ADAM2: variants seen among roughly 807,000 people sequenced by gnomAD.
ADAM2 encodes the protein ADAM metallopeptidase domain 2.
Under a neutral mutation model 99.3 loss-of-function variants are expected in ADAM2, and 101 were observed. The observed-to-expected ratio is 1.02, with a 90% CI of 0.87 to 1.20. The LOEUF is 1.20. Among genes scored for constraint, ADAM2 ranks in the 50% most tolerant of loss-of-function variants. The pLI is 0.00. For missense variants in ADAM2, 948 were observed against 878.7 expected, an observed-to-expected ratio of 1.08 and a Z score of -1.00; for synonymous variants, 323 against 287.6, an observed-to-expected ratio of 1.12 and a Z score of -1.25.
rs191558810 is a variant in ADAM2, at chr8:39,793,727, C to A, written c.571-4987G>T. ...CCAAAATCTATTGGTAAAGCCCTCA[C>A]TTGGGCTACAATTTGATTGAGAGAA... On this transcript the variant is annotated intron_variant, in intron 7 of 20. Coordinates refer to ENST00000265708, the MANE Select transcript of ADAM2 (RefSeq NM_001464.5). Among the ~76,000 whole-genome samples, 3 of 152,238 alleles carry A rather than the reference C, an allele frequency of 2.0e-5. No individual in the cohort carries two copies. The East Asian group carries it at 5.8e-4, about 29-fold the overall frequency.
intron 10 of ADAM2, among the ~76,000 whole-genome samples, chr8:39,785,796 T>TAAA (rs58429092): frequency 0.013 from 1,645 of 122,448 alleles, 28 homozygotes; most frequent in African/African-American, 0.046. Context: ...CTGTCTCAAA[T>TAAA]AAAAAAAAAA....
chr8:39,800,143 G>A (rs781528948), intron 7 of ADAM2, among the ~76,000 whole-genome samples: 34 of 152,264 alleles, frequency 2.2e-4, no homozygotes, highest in Admixed American at 7.8e-4. Context: ...GTTTTGGTGC[G>A]TTTTTGCAGT....
At chr8:39,805,739 C>A (rs1349734338) in intron 7 of ADAM2, among the ~76,000 whole-genome samples, 2 of 152,134 alleles carry the variant, frequency 1.3e-5, no homozygotes, top group Non-Finnish European at 2.9e-5. Context: ...TTGTAGCTGA[C>A]AGCAGGGAGA....
chr8:39,827,471 A>G (rs1805456236), intron 3 of ADAM2, among the ~76,000 whole-genome samples: 1 of 152,214 alleles, frequency 6.6e-6, no homozygotes, highest in African/African-American at 2.4e-5. Context: ...CAAGATACGG[A>G]ATCAAGCTTA....
At chr8:39,756,024 A>T (rs1802139568) in intron 15 of ADAM2, 113 bp from the exon 16 acceptor site, 4 of 560,526 alleles carry the variant, frequency 7.1e-6, no homozygotes, top group Admixed American at 8.0e-5. Context: ...AAGCTAATAC[A>T]TGCAATTCGT....
intron 11 of ADAM2, among the ~76,000 whole-genome samples, chr8:39,771,566 AG>A (rs1802780613): frequency 6.6e-6 from 1 of 152,308 alleles, no homozygotes; most frequent in African/African-American, 2.4e-5. Context: ...GAATGTGATG[AG>A]TTTTAAGGTA....
At chr8:39,830,645 T>C (rs948805769) in intron 3 of ADAM2, among the ~76,000 whole-genome samples, 2 of 152,288 alleles carry the variant, frequency 1.3e-5, no homozygotes, top group Middle Eastern at 6.8e-3. Context: ...GGTGGTTTAA[T>C]GTCCTCTGGT....
intron 7 of ADAM2, among the ~76,000 whole-genome samples, chr8:39,790,415 A>C (rs986747164): frequency 6.6e-6 from 1 of 151,980 alleles, no homozygotes; most frequent in African/African-American, 2.4e-5. Flanking sequence ...ATGAAAAAAT[A>C]GTCATAAATC....
chr8:39,763,169 G>A (rs1802438626), intron 14 of ADAM2, among the ~76,000 whole-genome samples: 1 of 151,954 alleles, frequency 6.6e-6, no homozygotes, highest in Admixed American at 6.6e-5. Context: ...CTGTTACCAG[G>A]TGGCTAGGGC....
intron 7 of ADAM2, among the ~76,000 whole-genome samples, chr8:39,792,004 C>T (rs1356363839): frequency 1.3e-5 from 2 of 151,852 alleles, no homozygotes; most frequent in Non-Finnish European, 2.9e-5. Context: ...TTGCCACTTG[C>T]CAGCTTCAAG....
chr8:39,824,905 A>G lies in ADAM2; in HGVS notation c.189-8T>C. 1 of 1,289,416 alleles carries G rather than the reference A, an allele frequency of 7.8e-7. No homozygotes were observed. Among genetic ancestry groups the G allele is most frequent in the Non-Finnish European group, 1.1e-6 (1 of 900,940 alleles). The allele number at this position is 1,289,416 out of a possible 1,614,324, so 79.9% of individuals were successfully genotyped here. On this transcript the variant is annotated splice_region_variant and splice_polypyrimidine_tract_variant and intron_variant, in intron 3 of 20. Transcript: ENST00000265708. ...TTATGGGGTAAAAAGTTTCTGTAACATAAAGATAAAATGGAAAAATTTGAT... is the reference window on the plus strand; with the variant it reads ...TTATGGGGTAAAAAGTTTCTGTAACGTAAAGATAAAATGGAAAAATTTGAT...
At position 39,749,644 on chromosome 8, in the gene ADAM2, C is replaced by T. The variant is rs112901444; in HGVS notation, c.1875+23G>A. 55 of 1,588,260 alleles carry T rather than the reference C, an allele frequency of 3.5e-5. No individual in the cohort carries two copies. The African/African-American group carries it at 4.2e-4, about 12-fold the overall frequency. Reference sequence around the variant, plus strand: ...AATTAGGCTCAATGATTTCTATTTTCACCTCATAGTACTGCTACTTACACC... The same window carrying T: ...AATTAGGCTCAATGATTTCTATTTTTACCTCATAGTACTGCTACTTACACC... On this transcript the variant is annotated intron_variant, in intron 17 of 20. Coordinates refer to ENST00000265708, the MANE Select transcript of ADAM2 (RefSeq NM_001464.5).
chr8:39,837,536 A>G (rs1301440520), intron 1 of ADAM2, among the ~76,000 whole-genome samples: 2 of 151,916 alleles, frequency 1.3e-5, no homozygotes, highest in African/African-American at 4.8e-5. Flanking sequence ...ACAGGCACGC[A>G]CTACCACCCC....
At chr8:39,770,398 A>T (rs1003361078) in intron 11 of ADAM2, among the ~76,000 whole-genome samples, 2 of 152,118 alleles carry the variant, frequency 1.3e-5, no homozygotes, top group Non-Finnish European at 2.9e-5. Context: ...TGCTTTATTC[A>T]GTGTTTCTTC....
chr8:39,772,702 AT>A (rs1802831447), intron 11 of ADAM2, among the ~76,000 whole-genome samples: 1 of 151,992 alleles, frequency 6.6e-6, no homozygotes, highest in African/African-American at 2.4e-5. Flanking sequence ...TCAACCATTC[AT>A]TTTCTCACCA....
chr8:39,830,904 G>T (rs935326223), intron 3 of ADAM2, among the ~76,000 whole-genome samples: 8 of 152,152 alleles, frequency 5.3e-5, no homozygotes, highest in African/African-American at 1.7e-4. Flanking sequence ...CAGGCCACAA[G>T]GCTGGAACCC....
Position 39,767,229 on chromosome 8 carries a change from G to A in ADAM2, c.1235C>T (p.Thr412Ile). The change falls in exon 13 of 21, where the codon ACA becomes ATA. Residue 412 changes from threonine (T) to isoleucine (I), a missense_variant. By Grantham distance (89) the Thr-to-Ile change is moderately conservative. Coordinates refer to ENST00000265708, the MANE Select transcript of ADAM2 (RefSeq NM_001464.5). Reference sequence around the variant, plus strand: ...TCTACATGTGGCAATATCACAGCATGTTTCTCCAATAAGGGCACAATCCTG... The same window carrying A: ...TCTACATGTGGCAATATCACAGCATATTTCTCCAATAAGGGCACAATCCTG... ...TEQDCALIGE[T>I]CCDIATCRFK... 1.2e-6 allele frequency: 2 copies of A among 1,606,568 alleles called. No individual in the cohort carries two copies. The highest frequency in any genetic ancestry group is 1.7e-6 in the Non-Finnish European group (2 of 1,178,402).
chr8:39,784,989 C>T (rs1214601326), intron 10 of ADAM2, among the ~76,000 whole-genome samples: 2 of 151,994 alleles, frequency 1.3e-5, no homozygotes, highest in African/African-American at 4.8e-5. Flanking sequence ...ATATTTTCTC[C>T]CTTTCTGTAG....
At chr8:39,806,474 TATATA>T (rs1223508621) in intron 7 of ADAM2, among the ~76,000 whole-genome samples, 1 of 148,234 alleles carries the variant, frequency 6.7e-6, no homozygotes, top group Middle Eastern at 3.6e-3. Flanking sequence ...AAAAAAGTTA[TATATA>T]ATATATTATA....
Sources: allele counts gnomAD v4.1 joint callset (sites outside exome capture counted in the v4.1 genomes callset), GRCh38; gene constraint gnomAD v4.1.1; transcripts MANE v1.5; gene names NCBI Gene and HGNC (gene_info 2026-07-23, HGNC 2026-07-21).